The following HECW1 variants were observed in gnomAD, a reference collection of about 807,000 sequenced individuals.
The protein encoded by HECW1 is E3 ubiquitin-protein ligase HECW1.
In HECW1, 61 loss-of-function variants were observed where a neutral mutation model predicts 182.3. The observed-to-expected ratio is 0.33, with a 90% CI of 0.27 to 0.41. The LOEUF (loss-of-function observed/expected upper bound fraction) is 0.41, where lower values mean the gene tolerates loss of function less well. Ranked by LOEUF, HECW1 falls within the 10% of genes least tolerant of loss-of-function variation. The probability of loss-of-function intolerance (pLI) is 1.00; values close to 1 mark genes in which losing one functional copy is unlikely to be tolerated. For synonymous variants in HECW1, 859 were observed against 832.6 expected (o/e 1.03, Z -0.55); for missense variants, 1,739 against 2,108.9 (o/e 0.82, Z 3.44).
intron 2 of HECW1, among the ~76,000 whole-genome samples, chr7:43,167,584 T>A (rs1017806344): frequency 6.6e-6 from 1 of 152,018 alleles, no homozygotes; most frequent in African/African-American, 2.4e-5. Context: ...AGAGAATGCA[T>A]AGGTGGCATG....
rs554660030 is a variant in HECW1 at position 43,424,515 on chromosome 7, C to T, written c.802-13488C>T. On this transcript the variant is annotated intron_variant, in intron 8 of 29. Coordinates refer to ENST00000395891, the MANE Select transcript of HECW1 (RefSeq NM_015052.5). Reference sequence around the variant, plus strand: ...TTGTGTGCCTGTAGTTCCAGGTACTCGGGAAGCTGAGGTGGGAAAATGGCT... The same window carrying T: ...TTGTGTGCCTGTAGTTCCAGGTACTTGGGAAGCTGAGGTGGGAAAATGGCT... Among the ~76,000 whole-genome samples, 24 of 151,990 alleles carry T rather than the reference C, an allele frequency of 1.6e-4. No homozygotes were observed. In the South Asian group the frequency reaches 3.1e-3, roughly 20 times the overall value.
intron 5 of HECW1, among the ~76,000 whole-genome samples, chr7:43,338,842 C>T (rs1470467995): frequency 6.6e-6 from 1 of 151,958 alleles, no homozygotes; most frequent in Non-Finnish European, 1.5e-5. Context: ...AAAAAGAGTT[C>T]CCTTTAGTAT....
rs112461540 is a variant in HECW1, at chr7:43,132,173, C to G, written c.-32+17782C>G. On this transcript the variant is annotated intron_variant, in intron 2 of 29. Transcript: ENST00000395891. Reference sequence around the variant, plus strand: ...CACACAGCCCCTCACAGCGCCCCCCCGCCCCAAGTAAGGTTTTGGTGTTTC... The same window carrying G: ...CACACAGCCCCTCACAGCGCCCCCCGGCCCCAAGTAAGGTTTTGGTGTTTC... 3.9e-5 allele frequency among the ~76,000 whole-genome samples: 6 copies of G among 151,944 alleles called. No homozygotes were observed. In the South Asian group the frequency reaches 6.3e-4, roughly 16 times the overall value.
intron 2 of HECW1, among the ~76,000 whole-genome samples, chr7:43,236,211 C>T (rs1562713460): frequency 6.6e-6 from 1 of 152,152 alleles, no homozygotes; most frequent in East Asian, 1.9e-4. Context: ...CTGAAATAGA[C>T]ACAAGTTAAT....
chr7:43,258,598 G>A (rs1053082381), intron 3 of HECW1: 2 of 152,160 alleles, frequency 1.3e-5, no homozygotes, highest in African/African-American at 4.8e-5. Flanking sequence ...TGGGAATATA[G>A]ACAACCAGGA....
At chr7:43,488,196 A>G (rs112005260) in intron 17 of HECW1, among the ~76,000 whole-genome samples, 28,390 of 151,190 alleles carry the variant, frequency 0.19, 2,856 homozygotes, top group South Asian at 0.28. Flanking sequence ...TGTAATCCCA[A>G]CTACTCGGGA....
At chr7:43,422,878 G>A (rs1031159015) in intron 8 of HECW1, among the ~76,000 whole-genome samples, 2 of 151,500 alleles carry the variant, frequency 1.3e-5, no homozygotes, top group Admixed American at 6.6e-5. Context: ...GAGATAAATC[G>A]CAGTGCCTGG....
chr7:43,552,174 C>T (rs1460055231), intron 27 of HECW1, 48 bp from the exon 28 acceptor site: 2 of 1,108,164 alleles, frequency 1.8e-6, no homozygotes, highest in African/African-American at 3.0e-5. Flanking sequence ...TGAACATAGC[C>T]TTTCCATGTG....
chr7:43,422,898 G>T (rs866510918), intron 8 of HECW1, among the ~76,000 whole-genome samples: 2 of 151,628 alleles, frequency 1.3e-5, no homozygotes, highest in African/African-American at 4.9e-5. Flanking sequence ...GCCGAGAGTC[G>T]TCACCTGGAG....
intron 2 of HECW1, among the ~76,000 whole-genome samples, chr7:43,115,699 C>A (rs1249613908): frequency 1.3e-5 from 2 of 152,172 alleles, no homozygotes; most frequent in Non-Finnish European, 2.9e-5. Flanking sequence ...TTTGTTGATT[C>A]ATGCTTAGCC....
At chr7:43,494,741 T>G (rs1342602473) in intron 19 of HECW1, among the ~76,000 whole-genome samples, 1 of 152,172 alleles carries the variant, frequency 6.6e-6, no homozygotes, top group Non-Finnish European at 1.5e-5. Context: ...CTCAAACTCC[T>G]GACCTCAAGG....
chr7:43,444,305 G>A lies in HECW1; in HGVS notation c.1133G>A (p.Gly378Glu), dbSNP rs1270904351. The A allele has an allele frequency of 2.5e-6, 4 of 1,614,066 alleles. No homozygotes were observed. Among genetic ancestry groups the A allele is most frequent in the African/African-American group, 1.3e-5 (1 of 74,914 alleles). Reference protein sequence around the residue: ...PMNNLMESGSGEPRSEAPESS... With the variant: ...PMNNLMESGSEEPRSEAPESS... ...AACAACCTGATGGAAAGCGGCAGTG[G>A]GGAACCTCGGTCTGAGGCACCAGAG... Residue 378 changes from glycine (G) to glutamate (E), a missense_variant, in exon 11 of 30, where the codon GGG (glycine) becomes GAG (glutamate). Physicochemically the swap from Gly to Glu is moderately conservative, Grantham distance 98. This residue lies in a region of HECW1 where 971 missense variants were observed against 1,029.1 expected (regional missense o/e 0.94). Coordinates refer to ENST00000395891, the MANE Select transcript of HECW1 (RefSeq NM_015052.5). This position sits in a 1 kb window ranked among gnomAD's most constrained non-coding sequence, Gnocchi z 4.3.
intron 6 of HECW1, among the ~76,000 whole-genome samples, chr7:43,384,067 G>A (rs2074671989): frequency 6.6e-6 from 1 of 152,134 alleles, no homozygotes; most frequent in Non-Finnish European, 1.5e-5. Context: ...TGCTTTGTCT[G>A]CAAGTTTTTT....
intron 2 of HECW1, among the ~76,000 whole-genome samples, chr7:43,184,654 T>G (rs142976447): frequency 3.3e-5 from 5 of 152,136 alleles, no homozygotes; most frequent in Admixed American, 2.6e-4. Flanking sequence ...AAAGGTTGAG[T>G]TGATCACCAA....
intron 2 of HECW1, among the ~76,000 whole-genome samples, chr7:43,201,345 A>T (rs1269492241): frequency 6.6e-6 from 1 of 152,226 alleles, no homozygotes; most frequent in Non-Finnish European, 1.5e-5. Context: ...GCGGAAGTCC[A>T]TGAGACTGTA....
At chr7:43,378,529 G>A (rs946779601) in intron 6 of HECW1, among the ~76,000 whole-genome samples, 3 of 152,254 alleles carry the variant, frequency 2.0e-5, no homozygotes, top group African/African-American at 7.2e-5. Context: ...TTTCGGCCAG[G>A]CATGGTGGCT....
chr7:43,180,823 C>T lies in HECW1; in HGVS notation c.-31-63052C>T, dbSNP rs551766358. 2.6e-5 allele frequency among the ~76,000 whole-genome samples: 4 copies of T among 152,326 alleles called. No individual in the cohort carries two copies. In the South Asian group the frequency reaches 8.3e-4, roughly 32 times the overall value. ...TAATTAGCAAATCCATCACCTCAAA[C>T]ATATATAATTTCTTTGTAGCAAGAA... On this transcript the variant is annotated intron_variant, in intron 2 of 29. Coordinates refer to ENST00000395891, the MANE Select transcript of HECW1 (RefSeq NM_015052.5).
intron 8 of HECW1, among the ~76,000 whole-genome samples, chr7:43,425,225 TCACACACACACA>T (rs61442575): frequency 2.7e-5 from 4 of 147,458 alleles, no homozygotes; most frequent in African/African-American, 1.0e-4. Flanking sequence ...ACCAAGACAC[TCACACACACACA>T]CACACACACA....
chr7:43,499,468 C>CAA (rs368228440), intron 19 of HECW1, among the ~76,000 whole-genome samples: 18,773 of 132,766 alleles, frequency 0.14, 1,595 homozygotes, highest in Non-Finnish European at 0.2. Flanking sequence ...GACTCTGTCT[C>CAA]AAAAAAAAAA....
Sources: gnomAD v4.1 joint callset for allele counts (sites outside exome capture counted in the v4.1 genomes callset) on GRCh38, gnomAD v4.1.1 for gene constraint, gnomAD v4.1.1 regional missense constraint, Gnocchi (gnomAD v3.1) non-coding constraint, MANE v1.5 for transcripts, NCBI Gene and HGNC (gene_info 2026-07-23, HGNC 2026-07-21) for gene names.